Variants in SLC16A10 observed in about 807,000 individuals in gnomAD.
SLC16A10 encodes the protein solute carrier family 16 member 10, also known as monocarboxylate transporter 10.
SLC16A10 carries 27 observed loss-of-function variants against 40.0 expected under a neutral mutation model. That is an observed-to-expected ratio of 0.67 (90% CI 0.50 to 0.93). SLC16A10 has a LOEUF of 0.93. Ranked by LOEUF, SLC16A10 falls within the 40% of genes least tolerant of loss-of-function variation. SLC16A10 has a pLI of 0.00. For missense variants in SLC16A10, 529 were observed against 658.2 expected, an observed-to-expected ratio of 0.80 and a Z score of 2.15; for synonymous variants, 213 against 249.8, an observed-to-expected ratio of 0.85 and a Z score of 1.39.
rs66493230 is a variant in SLC16A10, at chr6:111,185,903, G to GTT, written c.942+8251_942+8252dup. On this transcript the variant is annotated intron_variant, in intron 3 of 5. Transcript: ENST00000368851. The stretch of plus-strand genomic sequence containing the variant: ...GTTAATGTGTAAATTTCACCAGTGG[G>GTT]TTTTTTTTTTTTTTAAGACAGGGTC... 3.5e-3 allele frequency among the ~76,000 whole-genome samples: 506 copies of GTT among 144,576 alleles called. 3 individuals carry two copies. The highest frequency in any genetic ancestry group is 0.012 in the African/African-American group (478 of 39,654). The allele number at this position is 144,576 out of a possible 152,430, so 94.8% of individuals were successfully genotyped here. A position where few individuals can be genotyped will look rare whatever the true frequency, so the allele number is the denominator to read the frequency against.
chr6:111,155,277 C>T (rs1772249925), intron 1 of SLC16A10, among the ~76,000 whole-genome samples: 1 of 150,956 alleles, frequency 6.6e-6, no homozygotes, highest in South Asian at 2.1e-4. Flanking sequence ...TCATGGCTCA[C>T]TGCAGCCTTG....
intron 1 of SLC16A10, among the ~76,000 whole-genome samples, chr6:111,100,079 A>G (rs2114437996): frequency 1.3e-5 from 2 of 152,274 alleles, no homozygotes; most frequent in South Asian, 2.1e-4. Context: ...GGGGAAGGAA[A>G]AGATTATGTT....
intron 1 of SLC16A10, among the ~76,000 whole-genome samples, chr6:111,114,719 G>A (rs1003996548): frequency 1.3e-5 from 2 of 152,034 alleles, no homozygotes; most frequent in African/African-American, 4.8e-5. Flanking sequence ...GCCAGAGGAG[G>A]GGCCTCATCT....
At chr6:111,212,161 G>A (rs1773355875) in intron 4 of SLC16A10, among the ~76,000 whole-genome samples, 1 of 152,130 alleles carries the variant, frequency 6.6e-6, no homozygotes, top group Non-Finnish European at 1.5e-5. Context: ...AGGCTCTGGA[G>A]TGAGAAGCCA....
Position 111,172,747 on chromosome 6 carries a change from C to CAAT in SLC16A10, c.397_398insATA (p.Val132_Ser133insAsn). On this transcript the variant is annotated inframe_insertion, in exon 2 of 6. Transcript: ENST00000368851. ...TGATTTTCTTTTGCTGCCCAATAGT[C>CAAT]AGCGTCTTCACAGACCTATTTGGTT... 1 of 1,614,116 alleles carries CAAT rather than the reference C, an allele frequency of 6.2e-7. No homozygotes were observed. Among genetic ancestry groups the CAAT allele is most frequent in the Non-Finnish European group, 8.5e-7 (1 of 1,180,020 alleles).
At chr6:111,157,686 G>A (rs913121583) in intron 1 of SLC16A10, among the ~76,000 whole-genome samples, 1 of 152,128 alleles carries the variant, frequency 6.6e-6, no homozygotes, top group Non-Finnish European at 1.5e-5. Context: ...ACCACTTGTG[G>A]TTTTAAGGCA....
chr6:111,178,842 T>G (rs918595176), intron 3 of SLC16A10: 1 of 165,676 alleles, frequency 6.0e-6, no homozygotes, highest in African/African-American at 2.4e-5. Context: ...CATCCTGATC[T>G]GATAGTCCAT....
At position 111,098,072 on chromosome 6, in the gene SLC16A10, C is replaced by T. The variant is rs143457901; in HGVS notation, c.343+9977C>T. ...TGTAAATCTTAGCACTTTGGGAGGCCGAGGTGGGCGGATCACTTGAGGTCC... is the reference window on the plus strand; with the variant it reads ...TGTAAATCTTAGCACTTTGGGAGGCTGAGGTGGGCGGATCACTTGAGGTCC... On this transcript the variant is annotated intron_variant, in intron 1 of 5. Transcript: ENST00000368851. Among the ~76,000 whole-genome samples the T allele has an allele frequency of 9.1e-3, 1,381 of 152,106 alleles. 7 individuals carry two copies. The highest frequency in any genetic ancestry group is 0.014 in the Middle Eastern group (4 of 294).
In SLC16A10 at chr6:111,088,025, C is replaced by CG. The variant is rs1770900964; in HGVS notation, c.277dup (p.Val93GlyfsTer16). 6.2e-7 allele frequency: 1 copy of CG among 1,609,246 alleles called. No individual in the cohort carries two copies. The highest frequency in any genetic ancestry group is 1.1e-5 in the South Asian group (1 of 90,336). On this transcript the variant is annotated frameshift_variant, in exon 1 of 6. Transcript: ENST00000368851. LOFTEE classifies it high-confidence loss of function. The stretch of plus-strand genomic sequence containing the variant: ...CGGTGTTCGGCATCCAGAACGCTTG[C>CG]GGGGTGCTCTTCGTGTCCATGCTGG...
At chr6:111,181,483 G>A (rs890307490) in intron 3 of SLC16A10, among the ~76,000 whole-genome samples, 1 of 152,200 alleles carries the variant, frequency 6.6e-6, no homozygotes, top group African/African-American at 2.4e-5. Flanking sequence ...AAAGGAGAAA[G>A]ATAATACCCA....
intron 1 of SLC16A10, among the ~76,000 whole-genome samples, chr6:111,156,781 TTCA>T (rs1299099931): frequency 2.6e-5 from 4 of 152,240 alleles, no homozygotes; most frequent in Admixed American, 6.5e-5. Context: ...TCAATAGTAG[TTCA>T]TTAATTGTGA....
At chr6:111,110,380 A>C (rs1387220179) in intron 1 of SLC16A10, among the ~76,000 whole-genome samples, 1 of 151,244 alleles carries the variant, frequency 6.6e-6, no homozygotes, top group African/African-American at 2.4e-5. Context: ...GAGTAGCTTG[A>C]GAACTAACTT....
chr6:111,204,555 A>G (rs1562432684), intron 3 of SLC16A10, among the ~76,000 whole-genome samples: 2 of 152,216 alleles, frequency 1.3e-5, no homozygotes, highest in Non-Finnish European at 1.5e-5. Context: ...AAGAGGGTAG[A>G]AGAGGCAGCA....
rs572809794 is a variant in SLC16A10, at chr6:111,217,633, G to A, written c.1087-1181G>A. Among the ~76,000 whole-genome samples the A allele has an allele frequency of 9.2e-5, 14 of 152,098 alleles. No homozygotes were observed. In the East Asian group the frequency reaches 1.9e-3, roughly 21 times the overall value. ...CCCGGCTAATTTTTTTGTATTTTTA[G>A]TAAAGACGGGGTTTCACCTTGTTAG... On this transcript the variant is annotated intron_variant, in intron 4 of 5. Coordinates refer to ENST00000368851, the MANE Select transcript of SLC16A10 (RefSeq NM_018593.5).
rs373898390 is a variant in SLC16A10 at position 111,159,968 on chromosome 6, T to A, written c.344-12727T>A. ...CAAATTTTTTGCCCATTTTTAAAAT[T>A]GAGTTGCTTGGTTTTTATTGAGTTC... On this transcript the variant is annotated intron_variant, in intron 1 of 5. Coordinates refer to ENST00000368851, the MANE Select transcript of SLC16A10 (RefSeq NM_018593.5). 1.8e-4 allele frequency among the ~76,000 whole-genome samples: 28 copies of A among 152,318 alleles called. 1 individual carries two copies. Among genetic ancestry groups the A allele is most frequent in the East Asian group, 1.5e-3 (8 of 5,192 alleles).
intron 1 of SLC16A10, among the ~76,000 whole-genome samples, chr6:111,168,294 G>A (rs879418837): frequency 1.3e-5 from 2 of 152,140 alleles, no homozygotes; most frequent in Admixed American, 1.3e-4. Flanking sequence ...GCATTTTTAA[G>A]ATAAAAATTT....
chr6:111,178,132 C>T lies in SLC16A10; in HGVS notation c.942+467C>T, dbSNP rs533588534. Among the ~76,000 whole-genome samples, 91 of 152,312 alleles carry T rather than the reference C, an allele frequency of 6.0e-4. 1 individual carries two copies. Among genetic ancestry groups the T allele is most frequent in the African/African-American group, 2.1e-3 (89 of 41,574 alleles). On this transcript the variant is annotated intron_variant, in intron 3 of 5. Transcript: ENST00000368851. ...CTCTTTTTCTTCATATGGCTTTTAT[C>T]AGGGACAAAGCTAGCGCTATGATTT...
chr6:111,208,062 G>A (rs983657296), intron 4 of SLC16A10, among the ~76,000 whole-genome samples: 4 of 152,162 alleles, frequency 2.6e-5, no homozygotes, highest in South Asian at 4.2e-4. Flanking sequence ...TCAACATCCC[G>A]GGCTCAAGCA....
At chr6:111,145,470 A>G (rs763356089) in intron 1 of SLC16A10, among the ~76,000 whole-genome samples, 56 of 152,226 alleles carry the variant, frequency 3.7e-4, no homozygotes, top group Non-Finnish European at 7.1e-4. Flanking sequence ...GCAAGCCAAG[A>G]CAATTAAGTG....
Sources: allele counts gnomAD v4.1 joint callset (sites outside exome capture counted in the v4.1 genomes callset), GRCh38; gene constraint gnomAD v4.1.1; transcripts MANE v1.5; gene names NCBI Gene and HGNC (gene_info 2026-07-23, HGNC 2026-07-21).